The following CFAP96 variants were observed in gnomAD, a reference collection of about 807,000 sequenced individuals.
CFAP96 encodes cilia-and flagella-associated protein 96.
the CFAP96 span, chr4:185,425,863 C>T: frequency 6.2e-7 from 1 of 1,604,290 alleles, no homozygotes; most frequent in African/African-American, 1.3e-5. Flanking sequence ...CAGAGATACT[C>T]ACCATGTCCG....
At chr4:185,443,342 A>ATATATATTTTTTTTTTTTTTT in the CFAP96 span, among the ~76,000 whole-genome samples, 3 of 26,726 alleles carry the variant, frequency 1.1e-4, no homozygotes, top group East Asian at 1.5e-3. Flanking sequence ...ATATATATAT[A>ATATATATTTTTTTTTTTTTTT]TTTTTTTTTT....
At chr4:185,415,398 TAAAGA>T in the CFAP96 span, 4 of 1,425,984 alleles carry the variant, frequency 2.8e-6, no homozygotes, top group Admixed American at 2.6e-5. Flanking sequence ...GTGACTACAA[TAAAGA>T]AAAGTACAGA....
At chr4:185,449,577 G>GT in the CFAP96 span, 1 of 1,492,624 alleles carries the variant, frequency 6.7e-7, no homozygotes, top group Non-Finnish European at 9.1e-7. Flanking sequence ...ATTAATGTGT[G>GT]TTTATTTTCC....
the CFAP96 span, among the ~76,000 whole-genome samples, chr4:185,447,001 G>T: frequency 6.6e-6 from 1 of 152,094 alleles, no homozygotes; most frequent in East Asian, 1.9e-4. Flanking sequence ...TGCTGGTAAG[G>T]TTGTTCATTC....
the CFAP96 span, among the ~76,000 whole-genome samples, chr4:185,421,399 G>A: frequency 2.0e-5 from 3 of 152,256 alleles, no homozygotes; most frequent in South Asian, 4.1e-4. Context: ...GGGCCTGGTG[G>A]GAGGTGTTTG....
the CFAP96 span, among the ~76,000 whole-genome samples, chr4:185,413,199 C>T: frequency 6.6e-6 from 1 of 151,696 alleles, no homozygotes. Flanking sequence ...TAGCTACTGG[C>T]CAACATGGTG....
the CFAP96 span, among the ~76,000 whole-genome samples, chr4:185,420,419 T>C: frequency 6.6e-6 from 1 of 152,202 alleles, no homozygotes; most frequent in African/African-American, 2.4e-5. Context: ...ATACTCATCT[T>C]AGCCTTACAT....
chr4:185,448,099 C>T, the CFAP96 span, among the ~76,000 whole-genome samples: 1 of 152,082 alleles, frequency 6.6e-6, no homozygotes, highest in Admixed American at 6.5e-5. Flanking sequence ...CGGCTCACTG[C>T]AACCTCTGCC....
chr4:185,415,357 G>T, the CFAP96 span: 2 of 1,559,496 alleles, frequency 1.3e-6, no homozygotes, highest in Non-Finnish European at 1.7e-6. Flanking sequence ...TCTGTGGGGG[G>T]AAATATATAA....
chr4:185,444,054 CG>C, the CFAP96 span, among the ~76,000 whole-genome samples: 18 of 139,104 alleles, frequency 1.3e-4, no homozygotes, highest in African/African-American at 4.7e-4. Context: ...CCCGGGTTCA[CG>C]CCATTCTCCT....
the CFAP96 span, among the ~76,000 whole-genome samples, chr4:185,443,261 C>G: frequency 5.3e-4 from 74 of 138,934 alleles, no homozygotes; most frequent in Non-Finnish European, 9.6e-4. Context: ...TTTATATTTT[C>G]TTAGAAAATC....
the CFAP96 span, chr4:185,416,010 G>T: frequency 1.6e-6 from 1 of 610,866 alleles, no homozygotes; most frequent in Non-Finnish European, 2.6e-6. Flanking sequence ...AAGGGGGAAA[G>T]AGTAGAGAAC....
chr4:185,446,935 CT>C, the CFAP96 span, among the ~76,000 whole-genome samples: 1 of 151,752 alleles, frequency 6.6e-6, no homozygotes, highest in Non-Finnish European at 1.5e-5. Context: ...TTTCATGCAT[CT>C]TTTTTTTGAG....
At chr4:185,445,394 G>A in the CFAP96 span, 20 of 840,968 alleles carry the variant, frequency 2.4e-5, no homozygotes, top group African/African-American at 6.9e-5. Context: ...AATATATAGC[G>A]CCTCATTATG....
the CFAP96 span, chr4:185,415,563 A>G: frequency 2.4e-6 from 2 of 835,120 alleles, no homozygotes; most frequent in Non-Finnish European, 3.5e-6. Context: ...TACTTCCTCC[A>G]AATAACCATT....
the CFAP96 span, among the ~76,000 whole-genome samples, chr4:185,434,086 A>G: frequency 6.6e-6 from 1 of 151,178 alleles, no homozygotes; most frequent in East Asian, 2.0e-4. Context: ...CAGCGTGGCG[A>G]TGCATGCCTT....
At chr4:185,433,826 C>A in the CFAP96 span, among the ~76,000 whole-genome samples, 2 of 152,030 alleles carry the variant, frequency 1.3e-5, no homozygotes, top group African/African-American at 4.8e-5. Flanking sequence ...CACTTGAACC[C>A]AGGAGGCGGA....
At chr4:185,446,051 G>C in the CFAP96 span, among the ~76,000 whole-genome samples, 2 of 152,146 alleles carry the variant, frequency 1.3e-5, no homozygotes, top group East Asian at 3.9e-4. Flanking sequence ...ATGTTGGTAA[G>C]GCTGGTCTCG....
the CFAP96 span, among the ~76,000 whole-genome samples, chr4:185,444,249 G>A: frequency 6.6e-6 from 1 of 151,906 alleles, no homozygotes; most frequent in African/African-American, 2.4e-5. Context: ...CACCGCGCCC[G>A]GCCTGTATCT....
Sources: allele counts gnomAD v4.1 joint callset (sites outside exome capture counted in the v4.1 genomes callset), GRCh38; gene constraint gnomAD v4.1.1; transcripts MANE v1.5; gene names NCBI Gene and HGNC (gene_info 2026-07-23, HGNC 2026-07-21).